Variants in PRKAR1B observed in about 807,000 individuals in gnomAD.
PRKAR1B encodes protein kinase cAMP-dependent type I regulatory subunit beta, also known as cAMP-dependent protein kinase type I-beta regulatory subunit.
In PRKAR1B, 22 loss-of-function variants were observed where a neutral mutation model predicts 46.5. The observed-to-expected ratio is 0.47, with a 90% CI of 0.34 to 0.68. PRKAR1B has a LOEUF of 0.68. PRKAR1B is among the 30% of genes least tolerant of loss of function. The pLI is 0.01. For missense variants in PRKAR1B, 445 were observed against 535.6 expected (o/e 0.83, Z 1.67); for synonymous variants, 259 against 217.7 (o/e 1.19, Z -1.67).
intron 9 of PRKAR1B, among the ~76,000 whole-genome samples, chr7:564,214 G>A (rs62431401): frequency 0.069 from 10,449 of 152,250 alleles, 472 homozygotes; most frequent in Non-Finnish European, 0.089. Context: ...GGACACCCCT[G>A]TGGGAACCTG....
At chr7:630,666 G>T (rs1455203860) in intron 4 of PRKAR1B, among the ~76,000 whole-genome samples, 1 of 152,186 alleles carries the variant, frequency 6.6e-6, no homozygotes, top group Non-Finnish European at 1.5e-5. Context: ...TCACTGCCAG[G>T]CTCATGTTAA....
chr7:616,709 C>T (rs972076182), intron 4 of PRKAR1B, among the ~76,000 whole-genome samples: 4 of 152,224 alleles, frequency 2.6e-5, no homozygotes, highest in Non-Finnish European at 5.9e-5. Context: ...AGCCTTTTCC[C>T]TCCACACCCA....
intron 8 of PRKAR1B, among the ~76,000 whole-genome samples, chr7:579,886 C>T (rs1440554895): frequency 6.6e-6 from 1 of 152,116 alleles, no homozygotes. Flanking sequence ...CGCTTGAGGC[C>T]AGGAGTTCAA....
At chr7:631,241 G>A (rs572747904) in intron 4 of PRKAR1B, among the ~76,000 whole-genome samples, 7 of 152,344 alleles carry the variant, frequency 4.6e-5, no homozygotes, top group East Asian at 1.9e-4. Flanking sequence ...GTGAGCCGCC[G>A]TGCCAGCTTG....
chr7:609,893 A>G (rs112416112), intron 4 of PRKAR1B, among the ~76,000 whole-genome samples: 9,450 of 152,048 alleles, frequency 0.062, 957 homozygotes, highest in African/African-American at 0.21. Flanking sequence ...GGCACGTGCC[A>G]CCACGCCTGC....
At chr7:616,355 G>C (rs1238131977) in intron 4 of PRKAR1B, among the ~76,000 whole-genome samples, 1 of 152,212 alleles carries the variant, frequency 6.6e-6, no homozygotes, top group African/African-American at 2.4e-5. Context: ...CCTGCCCAGA[G>C]TCACGCTTCC....
At chr7:688,207 C>T (rs1389664752) in intron 2 of PRKAR1B, among the ~76,000 whole-genome samples, 1 of 151,710 alleles carries the variant, frequency 6.6e-6, no homozygotes, top group East Asian at 1.9e-4. Context: ...TCGAGACCAA[C>T]CTGGTTAACA....
At chr7:697,953 A>C (rs1481415488) in intron 2 of PRKAR1B, among the ~76,000 whole-genome samples, 1 of 64,230 alleles carries the variant, frequency 1.6e-5, no homozygotes, top group African/African-American at 6.4e-5. Flanking sequence ...GACGGGAGGG[A>C]AGGGAAGGGA....
chr7:558,126 C>T (rs1196725929), intron 9 of PRKAR1B, among the ~76,000 whole-genome samples: 3 of 150,746 alleles, frequency 2.0e-5, no homozygotes, highest in Admixed American at 2.0e-4. Context: ...CCAGCCTGGG[C>T]AACATAGTGA....
intron 6 of PRKAR1B, among the ~76,000 whole-genome samples, chr7:601,867 C>A (rs1228724157): frequency 6.6e-6 from 1 of 151,660 alleles, no homozygotes; most frequent in African/African-American, 2.4e-5. Flanking sequence ...CTTAAAGCTG[C>A]CTTTGTGCCT....
chr7:566,238 A>G (rs1330243121), intron 9 of PRKAR1B, among the ~76,000 whole-genome samples: 1 of 151,796 alleles, frequency 6.6e-6, no homozygotes, highest in Non-Finnish European at 1.5e-5. Context: ...CATCATCACT[A>G]TCATCATCAC....
At chr7:600,038 C>G (rs577746667) in intron 6 of PRKAR1B, among the ~76,000 whole-genome samples, 2 of 152,194 alleles carry the variant, frequency 1.3e-5, no homozygotes, top group Admixed American at 6.5e-5. Context: ...GTGCCAGGAG[C>G]TGGGGGAGGC....
intron 4 of PRKAR1B, among the ~76,000 whole-genome samples, chr7:656,905 A>C (rs1785230625): frequency 6.8e-6 from 1 of 147,670 alleles, no homozygotes. Context: ...GAATGCATGG[A>C]TGGACGGACG....
intron 9 of PRKAR1B, among the ~76,000 whole-genome samples, chr7:559,680 C>T (rs893915236): frequency 1.8e-4 from 27 of 152,204 alleles, no homozygotes; most frequent in African/African-American, 5.5e-4. Context: ...GAGCCGGAGT[C>T]TCGAGGCTCG....
intron 4 of PRKAR1B, among the ~76,000 whole-genome samples, chr7:643,475 C>A (rs1313678126): frequency 3.3e-5 from 5 of 151,496 alleles, no homozygotes; most frequent in Non-Finnish European, 7.4e-5. Context: ...GTAATCCCAG[C>A]ACTTTGGGAG....
At chr7:668,533 C>T (rs1341065380) in intron 4 of PRKAR1B, among the ~76,000 whole-genome samples, 1 of 152,198 alleles carries the variant, frequency 6.6e-6, no homozygotes, top group Non-Finnish European at 1.5e-5. Flanking sequence ...GACACACACA[C>T]CCTGTGCAAA....
chr7:560,792 C>T lies in PRKAR1B; in HGVS notation c.892-9322G>A, dbSNP rs556660731. Among the ~76,000 whole-genome samples the T allele has an allele frequency of 2.0e-5, 3 of 152,332 alleles. No individual in the cohort carries two copies. Among genetic ancestry groups the T allele is most frequent in the Non-Finnish European group, 4.4e-5 (3 of 68,032 alleles). On this transcript the variant is annotated intron_variant, in intron 9 of 10. Coordinates refer to ENST00000537384, the MANE Select transcript of PRKAR1B (RefSeq NM_001164760.2). This position sits in a 1 kb window ranked among gnomAD's most constrained non-coding sequence, Gnocchi z 4.2. The stretch of plus-strand genomic sequence containing the variant: ...GCTCCAGGAGTTCCAGCACGTCAAA[C>T]GGGACAGTCATCATGAGGGCGGCGG...
chr7:569,806 C>T (rs979369760), intron 9 of PRKAR1B, among the ~76,000 whole-genome samples: 2 of 152,152 alleles, frequency 1.3e-5, no homozygotes, highest in African/African-American at 4.8e-5. Flanking sequence ...CTCTCACACC[C>T]GTAATGACCC....
At chr7:728,087 G>A (rs1781423533), upstream of PRKAR1B, among the ~76,000 whole-genome samples, 1 of 152,068 alleles carries the variant, frequency 6.6e-6, no homozygotes, top group Admixed American at 6.5e-5. Context: ...GAAGGAGGCC[G>A]CTTCTCCCCT....
Sources: gnomAD v4.1 joint callset for allele counts (sites outside exome capture counted in the v4.1 genomes callset) on GRCh38, gnomAD v4.1.1 for gene constraint, Gnocchi (gnomAD v3.1) non-coding constraint, MANE v1.5 for transcripts, NCBI Gene and HGNC (gene_info 2026-07-23, HGNC 2026-07-21) for gene names.